The following RAX variants were observed in gnomAD, a reference collection of about 807,000 sequenced individuals.
The protein encoded by RAX is retina and anterior neural fold homeobox.
In RAX, 11 loss-of-function variants were observed where a neutral mutation model predicts 17.4. The ratio of observed to expected loss-of-function variants is 0.63; its 90% confidence interval spans 0.40 to 1.05. The LOEUF (loss-of-function observed/expected upper bound fraction) is 1.05, where lower values mean the gene tolerates loss of function less well. Ranked by LOEUF, RAX falls within the 50% of genes least tolerant of loss-of-function variation. The pLI, the probability that RAX is intolerant of heterozygous loss-of-function variation, is 0.00. For synonymous variants in RAX, 276 were observed against 254.7 expected, an observed-to-expected ratio of 1.08 and a Z score of -0.80; for missense variants, 527 against 501.1, an observed-to-expected ratio of 1.05 and a Z score of -0.49.
At position 59,269,400 on chromosome 18, in the gene RAX, G is replaced by T; in HGVS notation, c.645C>A (p.Ser215=). 1.3e-6 allele frequency: 2 copies of T among 1,534,636 alleles called. No homozygotes were observed. Among genetic ancestry groups the T allele is most frequent in the Non-Finnish European group, 1.7e-6 (2 of 1,148,266 alleles). The change falls in exon 3 of 3, where the codon TCC becomes TCA. Residue 215 remains serine (S), a synonymous_variant. Coordinates refer to ENST00000334889, the MANE Select transcript of RAX (RefSeq NM_013435.3). ...QDSPLLSFSR[S]PPSATLSPLG... ...GGGGCGACAGCGTCGCGGAGGGCGG[G>T]GAGCGGCTGAAGGAGAGGAGGGGCG... is the stretch of plus-strand genomic sequence containing the variant.
Position 59,268,950 on chromosome 18 carries a change from G to A in RAX, c.*54C>T. On this transcript the variant is annotated 3_prime_UTR_variant, in exon 3 of 3. Coordinates refer to ENST00000334889, the MANE Select transcript of RAX (RefSeq NM_013435.3). This position sits in a 1 kb window ranked among gnomAD's most constrained non-coding sequence, Gnocchi z 4.4. Reference sequence around the variant, plus strand: ...GGGGGTTGTCCCTGGGAGAGAGGATGCGGGTACGGTGCGGTCGGCCCGGGG... The same window carrying A: ...GGGGGTTGTCCCTGGGAGAGAGGATACGGGTACGGTGCGGTCGGCCCGGGG... 11 of 1,612,348 alleles carry A rather than the reference G, an allele frequency of 6.8e-6. No homozygotes were observed. In the South Asian group the frequency reaches 1.2e-4, roughly 18 times the overall value.
Position 59,268,573 on chromosome 18 carries a change from T to C in RAX, c.*431A>G, listed in dbSNP as rs2070302661. 4.2e-6 allele frequency: 1 copy of C among 240,832 alleles called. No homozygotes were observed. The allele number at this position is 240,832 out of a possible 1,614,324, so 14.9% of individuals were successfully genotyped here. On this transcript the variant is annotated 3_prime_UTR_variant, in exon 3 of 3. Transcript: ENST00000334889. The surrounding 1 kb of genome is among the most constrained non-coding windows in gnomAD (Gnocchi z 4.4). ...CTCCTCTCAAATAGTTTGAAACTAC[T>C]TATACAAAAGTTTCTCAAACTCTAT... is the stretch of plus-strand genomic sequence containing the variant.
In RAX at chr18:59,267,744, A is replaced by G. The variant is rs895954155; in HGVS notation, c.*1260T>C. ...GAGCACGCTCAGGCGGGAGTCCGGG[A>G]CTCTCCTTCTTCAGAGAGTCTCAGG... is the stretch of plus-strand genomic sequence containing the variant. On this transcript the variant is annotated 3_prime_UTR_variant, in exon 3 of 3. Transcript: ENST00000334889. 1.4e-5 allele frequency: 2 copies of G among 147,552 alleles called. No homozygotes were observed. Among genetic ancestry groups the G allele is most frequent in the South Asian group, 2.2e-4 (1 of 4,650 alleles). The allele number at this position is 147,552 out of a possible 1,614,324, so 9.1% of individuals were successfully genotyped here. A position where few individuals can be genotyped will look rare whatever the true frequency, so the allele number is the denominator to read the frequency against.
At chr18:59,272,700 C>T in intron 1 of RAX, 86 bp from the exon 2 acceptor site, 2 of 1,479,136 alleles carry the variant, frequency 1.4e-6, no homozygotes, top group Non-Finnish European at 1.8e-6. Context: ...ACTGGCCAGC[C>T]CGCCTGCGGG....
rs45501496 is a variant in RAX, at chr18:59,268,096, A to G, written c.*908T>C. ...ACCGAACCGGAGATCTGCTTGGTGA[A>G]CTGAGAGGAGTCCTTAGGAGAGCGG... On this transcript the variant is annotated 3_prime_UTR_variant, in exon 3 of 3. Coordinates refer to ENST00000334889, the MANE Select transcript of RAX (RefSeq NM_013435.3). This position sits in a 1 kb window ranked among gnomAD's most constrained non-coding sequence, Gnocchi z 4.4. 46,752 of 152,094 alleles carry G rather than the reference A, an allele frequency of 0.31. 7,665 individuals are homozygous for G. Among genetic ancestry groups the G allele is most frequent in the African/African-American group, 0.41 (16,820 of 41,340 alleles). The allele number at this position is 152,094 out of a possible 1,614,324, so 9.4% of individuals were successfully genotyped here.
Position 59,269,267 on chromosome 18 carries a change from G to T in RAX, c.778C>A (p.Leu260Met), listed in dbSNP as rs1292617720. Residue 260 changes from leucine to methionine, a missense_variant, in exon 3 of 3, where the codon CTG (leucine) becomes ATG (methionine). Physicochemically the swap from Leu to Met is conservative, Grantham distance 15. Transcript: ENST00000334889. The stretch of plus-strand genomic sequence containing the variant: ...TGCGCCGGCGGCCCGAAGCCCGGCA[G>T]GCTCTGCAGCGCCGTGGCGCCCCCG... The part of the protein sequence containing the change: ...PGGGATALQS[L>M]PGFGPPAQSL... 2.0e-6 allele frequency: 3 copies of T among 1,481,502 alleles called. No individual in the cohort carries two copies. Among genetic ancestry groups the T allele is most frequent in the Non-Finnish European group, 2.7e-6 (3 of 1,122,784 alleles). The allele number at this position is 1,481,502 out of a possible 1,614,324, so 91.8% of individuals were successfully genotyped here. A position where few individuals can be genotyped will look rare whatever the true frequency, so the allele number is the denominator to read the frequency against.
Position 59,273,298 on chromosome 18 carries a change from G to C in RAX, c.-92C>G. The C allele has an allele frequency of 7.4e-7, 1 of 1,343,432 alleles. No individual in the cohort carries two copies. Among genetic ancestry groups the C allele is most frequent in the Non-Finnish European group, 9.9e-7 (1 of 1,012,536 alleles). The allele number at this position is 1,343,432 out of a possible 1,614,324, so 83.2% of individuals were successfully genotyped here. On this transcript the variant is annotated 5_prime_UTR_variant, in exon 1 of 3. Transcript: ENST00000334889. ...CGAGTGCGGCGGTGCAACCCGACGG[G>C]TCCCGACCCTAGGTCAAGCTCCGCG...
In RAX at chr18:59,269,111, T is replaced by C; in HGVS notation, c.934A>G (p.Lys312Glu). ...GGGTCCGCCTCGTCCAGCGGGAACT[T>C]GTCCCCGAAGCCGGGCCCGCACGGG... ...SYPCGPGFGD[K>E]FPLDEADPRN... is the part of the protein sequence containing the mutation. The change falls in exon 3 of 3, where the codon AAG becomes GAG. Residue 312 changes from lysine to glutamate, a missense_variant. Coordinates refer to ENST00000334889, the MANE Select transcript of RAX (RefSeq NM_013435.3). The C allele has an allele frequency of 6.2e-7, 1 of 1,610,614 alleles. No individual in the cohort carries two copies. Among genetic ancestry groups the C allele is most frequent in the Non-Finnish European group, 8.5e-7 (1 of 1,178,728 alleles).
intron 2 of RAX, among the ~76,000 whole-genome samples, chr18:59,271,977 C>T (rs1277844534): frequency 6.6e-6 from 1 of 152,176 alleles, no homozygotes; most frequent in Non-Finnish European, 1.5e-5. Context: ...CAGCTAGTGA[C>T]GAGGGTGGCA....
rs2070306177 is a variant in RAX at position 59,268,932 on chromosome 18, G to T, written c.*72C>A. On this transcript the variant is annotated 3_prime_UTR_variant, in exon 3 of 3. Transcript: ENST00000334889. This position sits in a 1 kb window ranked among gnomAD's most constrained non-coding sequence, Gnocchi z 4.4. ...AGGGGCCGAGCTGGGGAGGGGGGTT[G>T]TCCCTGGGAGAGAGGATGCGGGTAC... 1 of 1,609,816 alleles carries T rather than the reference G, an allele frequency of 6.2e-7. No individual in the cohort carries two copies. The highest frequency in any genetic ancestry group is 1.3e-5 in the African/African-American group (1 of 74,870).
chr18:59,268,364 C>T lies in RAX; in HGVS notation c.*640G>A, dbSNP rs2070300718. On this transcript the variant is annotated 3_prime_UTR_variant, in exon 3 of 3. Coordinates refer to ENST00000334889, the MANE Select transcript of RAX (RefSeq NM_013435.3). This position sits in a 1 kb window ranked among gnomAD's most constrained non-coding sequence, Gnocchi z 4.4. ...AAGCGTTCGGAATGGGGACGATTCT[C>T]TGCTGCAGCGAAGTGTCCCTAGAAT... The T allele has an allele frequency of 2.0e-5, 3 of 152,644 alleles. No homozygotes were observed. Among genetic ancestry groups the T allele is most frequent in the African/African-American group, 7.2e-5 (3 of 41,448 alleles). The allele number at this position is 152,644 out of a possible 1,614,324, so 9.5% of individuals were successfully genotyped here.
At chr18:59,269,582 C>T (rs2070317688) in intron 2 of RAX, 81 bp from the exon 3 acceptor site, 2 of 1,497,134 alleles carry the variant, frequency 1.3e-6, no homozygotes, top group South Asian at 1.2e-5. Context: ...TTCAGCTCGG[C>T]GGGCTCCACT....
At chr18:59,272,311 T>C (rs1441798557) in intron 2 of RAX, 50 bp downstream of exon 2, 2 of 1,613,398 alleles carry the variant, frequency 1.2e-6, no homozygotes, top group African/African-American at 2.7e-5. Context: ...TGGCTGCAAT[T>C]TGGGCCTCGG....
chr18:59,272,854 C>G (rs557530145), intron 1 of RAX, 64 bp downstream of exon 1: 1 of 1,487,756 alleles, frequency 6.7e-7, no homozygotes, highest in Non-Finnish European at 8.9e-7. Context: ...GGGGCGCTCT[C>G]GTCTGGCCAA....
Position 59,272,711 on chromosome 18 carries a change from C to T in RAX, c.290-97G>A, listed in dbSNP as rs548266310. On this transcript the variant is annotated intron_variant, in intron 1 of 2. Coordinates refer to ENST00000334889, the MANE Select transcript of RAX (RefSeq NM_013435.3). ...GGGCACTGGCCAGCCCGCCTGCGGG[C>T]TCCGAGATGGCCCGGGGAGGTCCGT... is the stretch of plus-strand genomic sequence containing the variant. 4.8e-5 allele frequency: 71 copies of T among 1,463,942 alleles called. No individual in the cohort carries two copies. The African/African-American group carries it at 8.6e-4, about 18-fold the overall frequency. The allele number at this position is 1,463,942 out of a possible 1,614,324, so 90.7% of individuals were successfully genotyped here. A position where few individuals can be genotyped will look rare whatever the true frequency, so the allele number is the denominator to read the frequency against.
intron 2 of RAX, among the ~76,000 whole-genome samples, chr18:59,270,432 C>T (rs956998412): frequency 1.3e-5 from 2 of 152,148 alleles, no homozygotes; most frequent in Non-Finnish European, 2.9e-5. Flanking sequence ...CCAAGAGTAA[C>T]GTCGGGTTCT....
chr18:59,272,946 TGGC>T lies in RAX; in HGVS notation c.258_260del (p.Pro87del). ...CGTACTCGGGGGCGGGCGCCGGGGC[TGGC>T]GGCGGGGAGGGCTCGGAGCCTTCCT... On this transcript the variant is annotated inframe_deletion, in exon 1 of 3. Coordinates refer to ENST00000334889, the MANE Select transcript of RAX (RefSeq NM_013435.3). 6.8e-7 allele frequency: 1 copy of T among 1,461,388 alleles called. No individual in the cohort carries two copies. The allele number at this position is 1,461,388 out of a possible 1,614,324, so 90.5% of individuals were successfully genotyped here.
chr18:59,268,818 G>T lies in RAX; in HGVS notation c.*186C>A. On this transcript the variant is annotated 3_prime_UTR_variant, in exon 3 of 3. Transcript: ENST00000334889. The surrounding 1 kb of genome is among the most constrained non-coding windows in gnomAD (Gnocchi z 4.4). ...AGGCGGCCAGAGGGCCTCTCCTCAG[G>T]CCTGAAAGTCGCCCTTCTCCCCGTG... is the stretch of plus-strand genomic sequence containing the variant. 1.0e-6 allele frequency: 1 copy of T among 1,002,912 alleles called. No homozygotes were observed. The highest frequency in any genetic ancestry group is 1.5e-6 in the Non-Finnish European group (1 of 688,872). 62.1% of individuals were successfully genotyped at this position (1,002,912 alleles called of 1,614,324 possible).
chr18:59,269,736 C>CTT (rs1368516051), intron 2 of RAX, among the ~76,000 whole-genome samples: 1 of 74,232 alleles, frequency 1.3e-5, no homozygotes, highest in African/African-American at 4.6e-5. Context: ...CTCTCTCTCT[C>CTT]TCTTTTTTTT....
Sources: gnomAD v4.1 joint callset for allele counts (sites outside exome capture counted in the v4.1 genomes callset) on GRCh38, gnomAD v4.1.1 for gene constraint, Gnocchi (gnomAD v3.1) non-coding constraint, MANE v1.5 for transcripts, NCBI Gene and HGNC (gene_info 2026-07-23, HGNC 2026-07-21) for gene names.